Variants in MORC1 observed in about 807,000 individuals in gnomAD.
MORC1 encodes MORC family CW-type zinc finger protein 1.
Under a neutral mutation model 134.9 loss-of-function variants are expected in MORC1, and 59 were observed. That is an observed-to-expected ratio of 0.44 (90% CI 0.35 to 0.54). The LOEUF is 0.54. Ranked by LOEUF, MORC1 falls within the 20% of genes least tolerant of loss-of-function variation. MORC1 has a pLI of 0.00. For synonymous variants in MORC1, 395 were observed against 391.7 expected, an observed-to-expected ratio of 1.01 and a Z score of -0.10; for missense variants, 947 against 1,134.5, an observed-to-expected ratio of 0.83 and a Z score of 2.37.
rs892600726 is a variant in MORC1 at position 109,000,568 on chromosome 3, C to T, written c.2176G>A (p.Asp726Asn). 1 of 1,605,448 alleles carries T rather than the reference C, an allele frequency of 6.2e-7. No individual in the cohort carries two copies. Among genetic ancestry groups the T allele is most frequent in the Non-Finnish European group, 8.5e-7 (1 of 1,175,500 alleles). ...ATAGTTTATCTCACCAGGATTATAT[C>T]TGAATCACTCGTGTTCTCATCTTCA... Reference protein sequence around the residue: ...LTEDENTSDSDIILVSDKSNT... With the variant: ...LTEDENTSDSNIILVSDKSNT... The change falls in exon 21 of 28, where the codon GAT (aspartate) becomes AAT (asparagine). Residue 726 changes from aspartate (D) to asparagine (N), a missense_variant. By Grantham distance (23) the Asp-to-Asn change is conservative. Around this residue, in one of 3 missense-constraint regions of MORC1, gnomAD observed 722 missense variants for 817.0 expected, o/e 0.88. Coordinates refer to ENST00000232603, the MANE Select transcript of MORC1 (RefSeq NM_014429.4).
intron 9 of MORC1, among the ~76,000 whole-genome samples, chr3:109,066,829 G>A (rs1459814273): frequency 6.6e-6 from 1 of 152,178 alleles, no homozygotes; most frequent in Non-Finnish European, 1.5e-5. Flanking sequence ...TAAGACTCAA[G>A]TAATTGCCAA....
At chr3:109,067,615 C>A (rs769836442) in intron 9 of MORC1, among the ~76,000 whole-genome samples, 2 of 152,058 alleles carry the variant, frequency 1.3e-5, no homozygotes, top group East Asian at 3.9e-4. Context: ...GTGAAAAGAT[C>A]GGCTATATTG....
intron 17 of MORC1, among the ~76,000 whole-genome samples, chr3:109,020,801 C>A (rs1948941451): frequency 1.3e-5 from 2 of 148,816 alleles, no homozygotes; most frequent in Admixed American, 1.3e-4. Context: ...TTTACTCCAG[C>A]CTCCAGGAAT....
chr3:109,041,486 C>A (rs780837798), intron 14 of MORC1, among the ~76,000 whole-genome samples: 4 of 151,724 alleles, frequency 2.6e-5, no homozygotes, highest in Non-Finnish European at 5.9e-5. Context: ...CCGAGGTGGG[C>A]GGATCACCTG....
chr3:109,021,182 C>T (rs1253774159), intron 17 of MORC1, among the ~76,000 whole-genome samples: 1 of 152,124 alleles, frequency 6.6e-6, no homozygotes, highest in East Asian at 1.9e-4. Context: ...TGAGGTGTAC[C>T]CCAGACGCCA....
At chr3:109,087,115 C>G (rs1336628439) in intron 8 of MORC1, among the ~76,000 whole-genome samples, 1 of 152,026 alleles carries the variant, frequency 6.6e-6, no homozygotes, top group Non-Finnish European at 1.5e-5. Context: ...CTCCTCCCTT[C>G]ATTCCCACTC....
intron 26 of MORC1, 25 bp from the exon 27 acceptor site, chr3:108,963,633 T>C: frequency 7.0e-7 from 1 of 1,421,924 alleles, no homozygotes; most frequent in African/African-American, 1.4e-5. Context: ...AAAACAGTTT[T>C]AGCATGTTTT....
intron 21 of MORC1, among the ~76,000 whole-genome samples, chr3:108,993,514 G>A (rs1418973877): frequency 1.3e-5 from 2 of 152,152 alleles, no homozygotes; most frequent in Non-Finnish European, 2.9e-5. Context: ...AGGGCTTCCC[G>A]TGAAATGTCT....
chr3:109,116,153 G>T (rs948603088), intron 1 of MORC1, among the ~76,000 whole-genome samples: 6 of 152,182 alleles, frequency 3.9e-5, no homozygotes, highest in African/African-American at 1.4e-4. Flanking sequence ...CTTGTACTTG[G>T]CTGACATACA....
intron 21 of MORC1, among the ~76,000 whole-genome samples, chr3:108,990,726 T>G (rs771084828): frequency 9.9e-5 from 15 of 152,076 alleles, no homozygotes; most frequent in Non-Finnish European, 2.1e-4. Flanking sequence ...GGATCCCTAT[T>G]GTTTAGGACA....
intron 15 of MORC1, among the ~76,000 whole-genome samples, chr3:109,034,051 T>C (rs1236138599): frequency 6.6e-6 from 1 of 152,168 alleles, no homozygotes; most frequent in African/African-American, 2.4e-5. Flanking sequence ...TCCTCAATTA[T>C]ACCTTCTAAG....
intron 8 of MORC1, among the ~76,000 whole-genome samples, chr3:109,084,829 C>T (rs1423196402): frequency 6.6e-6 from 1 of 151,960 alleles, no homozygotes; most frequent in African/African-American, 2.4e-5. Context: ...AGACACAACC[C>T]AGATATAAAT....
intron 24 of MORC1, among the ~76,000 whole-genome samples, chr3:108,976,134 TTAGG>T (rs1947547451): frequency 1.3e-5 from 2 of 152,146 alleles, no homozygotes; most frequent in Non-Finnish European, 2.9e-5. Flanking sequence ...CTGAGCATAA[TTAGG>T]TAATGAGTAT....
At chr3:108,967,493 C>G (rs1366467677) in intron 26 of MORC1, among the ~76,000 whole-genome samples, 2 of 152,122 alleles carry the variant, frequency 1.3e-5, no homozygotes, top group Admixed American at 1.3e-4. Flanking sequence ...GGCCAATACG[C>G]CAACCCATCT....
At chr3:109,020,765 A>AAAAAAAAAAAAC (rs545310953) in intron 17 of MORC1, among the ~76,000 whole-genome samples, 5 of 120,254 alleles carry the variant, frequency 4.2e-5, no homozygotes, top group Non-Finnish European at 7.0e-5. Flanking sequence ...ACTCTGTCTC[A>AAAAAAAAAAAAC]AAAAAAAAAA....
intron 3 of MORC1, 104 bp from the exon 4 acceptor site, chr3:109,104,021 G>T: frequency 9.7e-7 from 1 of 1,030,776 alleles, no homozygotes; most frequent in Non-Finnish European, 1.5e-6. Flanking sequence ...TGCAGCCACA[G>T]AGTGACAGAG....
At chr3:108,980,553 G>A (rs1283663328) in intron 23 of MORC1, among the ~76,000 whole-genome samples, 1 of 152,124 alleles carries the variant, frequency 6.6e-6, no homozygotes, top group Non-Finnish European at 1.5e-5. Flanking sequence ...CTTAAGGCAG[G>A]AAGCCCATAC....
chr3:109,054,661 A>G, intron 14 of MORC1, 67 bp downstream of exon 14: 2 of 1,312,088 alleles, frequency 1.5e-6, no homozygotes, highest in Non-Finnish European at 2.0e-6. Flanking sequence ...TAATCATGTC[A>G]GCTTAAAGAA....
intron 11 of MORC1, among the ~76,000 whole-genome samples, chr3:109,060,850 C>G (rs540831700): frequency 6.6e-6 from 1 of 152,162 alleles, no homozygotes; most frequent in Admixed American, 6.5e-5. Context: ...GAAGCAAGGT[C>G]CTGACCCATT....
Sources: allele counts gnomAD v4.1 joint callset (sites outside exome capture counted in the v4.1 genomes callset), GRCh38; gene constraint gnomAD v4.1.1; regional missense constraint gnomAD v4.1.1; transcripts MANE v1.5; gene names NCBI Gene and HGNC (gene_info 2026-07-23, HGNC 2026-07-21).